GPC3: variants seen among roughly 807,000 people sequenced by gnomAD.
The protein encoded by GPC3 is glypican-3.
A neutral mutation model predicts 34.4 loss-of-function variants in GPC3; 3 were observed. The observed-to-expected ratio is 0.09, with a 90% CI of 0.04 to 0.23. GPC3 has a LOEUF of 0.23. Among genes scored for constraint, GPC3 ranks in the 10% least tolerant of loss-of-function variants. GPC3 has a pLI of 1.00. For missense variants in GPC3, 351 were observed against 445.6 expected, an observed-to-expected ratio of 0.79 and a Z score of 1.91; for synonymous variants, 177 against 174.0, an observed-to-expected ratio of 1.02 and a Z score of -0.13.
Position 133,959,527 on chromosome X carries a change from G to T in GPC3, c.176-6316C>A, listed in dbSNP as rs1314077409. 2.7e-5 allele frequency among the ~76,000 whole-genome samples: 3 copies of T among 112,264 alleles called. No homozygotes were observed. In the East Asian group the frequency reaches 8.4e-4, roughly 31 times the overall value. On this transcript the variant is annotated intron_variant, in intron 1 of 7. Transcript: ENST00000370818. ...TAACAAAACACTTATGATTCCTCAGGTCAAGTTGTTTACAATTTAATCCTA... is the reference window on the plus strand; with the variant it reads ...TAACAAAACACTTATGATTCCTCAGTTCAAGTTGTTTACAATTTAATCCTA...
chrX:133,884,029 G>C (rs538524900), intron 2 of GPC3, among the ~76,000 whole-genome samples: 30 of 111,500 alleles, frequency 2.7e-4, no homozygotes, highest in African/African-American at 9.4e-4. Context: ...ACAGTAATTA[G>C]TGAGCTTTTA....
At chrX:133,763,634 C>A in intron 2 of GPC3, 1 of 793,366 alleles carries the variant, frequency 1.3e-6, no homozygotes, top group Non-Finnish European at 1.9e-6. Flanking sequence ...TCTGCCGCTT[C>A]CACTGCTCAG....
chrX:133,750,990 T>C (rs768138443), intron 3 of GPC3, among the ~76,000 whole-genome samples: 5 of 108,778 alleles, frequency 4.6e-5, no homozygotes, highest in South Asian at 4.1e-4. Context: ...GGAGAATTGA[T>C]TAGAAGTAGG....
At chrX:133,735,005 T>C (rs1439599899) in intron 3 of GPC3, among the ~76,000 whole-genome samples, 1 of 112,027 alleles carries the variant, frequency 8.9e-6, no homozygotes, top group Non-Finnish European at 1.9e-5. Context: ...GACATTAATA[T>C]ATTAGAAGAC....
At chrX:133,851,540 T>C (rs1264393679) in intron 2 of GPC3, among the ~76,000 whole-genome samples, 1 of 111,660 alleles carries the variant, frequency 9.0e-6, no homozygotes, top group Non-Finnish European at 1.9e-5. Context: ...CTCAAATCTC[T>C]CTGAAGTGGG....
intron 2 of GPC3, among the ~76,000 whole-genome samples, chrX:133,758,012 C>A (rs1002090481): frequency 1.8e-5 from 2 of 111,567 alleles, no homozygotes. Context: ...CCATCTCACA[C>A]CAGTCAGAAT....
intron 1 of GPC3, among the ~76,000 whole-genome samples, chrX:133,964,217 G>A (rs1250611058): frequency 8.9e-6 from 1 of 111,791 alleles, no homozygotes; most frequent in Non-Finnish European, 1.9e-5. Flanking sequence ...CACTTTGCAC[G>A]CAAGTTGTAC....
chrX:133,703,619 C>A (rs2071186679), intron 3 of GPC3, among the ~76,000 whole-genome samples: 1 of 110,773 alleles, frequency 9.0e-6, no homozygotes, highest in Non-Finnish European at 1.9e-5. Flanking sequence ...CACTACCACG[C>A]CCAGCTAATT....
chrX:133,799,565 C>CT (rs769763817), intron 2 of GPC3, among the ~76,000 whole-genome samples: 31 of 111,498 alleles, frequency 2.8e-4, no homozygotes, highest in African/African-American at 1.0e-3. Flanking sequence ...GTATACAGTG[C>CT]TACATAGCTT....
At chrX:133,797,011 G>T (rs1030467503) in intron 2 of GPC3, among the ~76,000 whole-genome samples, 2 of 110,888 alleles carry the variant, frequency 1.8e-5, no homozygotes, top group Admixed American at 1.9e-4. Context: ...TGGGCCTTTG[G>T]AATTCCTTGT....
In GPC3 at chrX:133,928,726, A is replaced by G. The variant is rs138504458; in HGVS notation, c.337+24324T>C. On this transcript the variant is annotated intron_variant, in intron 2 of 7. Transcript: ENST00000370818. ...TTTCAGGTACCTGTTGGCTATTTTT[A>G]TGTCATCTTTGGAGAAATATCTATT... 1.3e-4 allele frequency among the ~76,000 whole-genome samples: 15 copies of G among 111,840 alleles called. No individual in the cohort carries two copies. The East Asian group carries it at 3.9e-3, about 29-fold the overall frequency.
intron 3 of GPC3, among the ~76,000 whole-genome samples, chrX:133,717,195 C>G (rs1330762474): frequency 3.6e-5 from 4 of 110,286 alleles, no homozygotes; most frequent in Non-Finnish European, 7.6e-5. Context: ...CTCGTGGCAT[C>G]AAGTGATCTG....
intron 5 of GPC3, among the ~76,000 whole-genome samples, chrX:133,681,111 T>C (rs1252949309): frequency 8.9e-6 from 1 of 111,831 alleles, no homozygotes; most frequent in Non-Finnish European, 1.9e-5. Flanking sequence ...TTTTTATAGG[T>C]TTTTTTGAAG....
rs149282160 is a variant in GPC3 at position 133,973,836 on chromosome X, A to G, written c.175+11439T>C. Among the ~76,000 whole-genome samples the G allele has an allele frequency of 6.0e-3, 672 of 111,755 alleles. 5 individuals carry two copies. The highest frequency in any genetic ancestry group is 0.021 in the African/African-American group (635 of 30,718). On this transcript the variant is annotated intron_variant, in intron 1 of 7. Transcript: ENST00000370818. ...TTTTCATTCTTTACATTGGGAAAGT[A>G]CTGCCCTGGGGGAGGGACAGAGGAG...
chrX:133,735,552 G>A lies in GPC3; in HGVS notation c.1032+17930C>T, dbSNP rs199967419. 5.4e-5 allele frequency among the ~76,000 whole-genome samples: 6 copies of A among 111,867 alleles called. No individual in the cohort carries two copies. In the East Asian group the frequency reaches 1.7e-3, roughly 31 times the overall value. On this transcript the variant is annotated intron_variant, in intron 3 of 7. Transcript: ENST00000370818. ...AATCTTTATGCCCTTGGATTAGGCA[G>A]TGATTTCTTAGATATGACACATAAA...
chrX:133,604,101 C>G (rs2070019323), intron 6 of GPC3, among the ~76,000 whole-genome samples: 1 of 111,435 alleles, frequency 9.0e-6, no homozygotes, highest in African/African-American at 3.3e-5. Context: ...GTTTGTATAA[C>G]AGGGAAGACT....
intron 2 of GPC3, among the ~76,000 whole-genome samples, chrX:133,935,435 A>G (rs1213038790): frequency 9.0e-6 from 1 of 111,166 alleles, no homozygotes; most frequent in Non-Finnish European, 1.9e-5. Flanking sequence ...CAGGACAGCT[A>G]TATTTTAAAT....
chrX:133,728,652 G>C (rs746269354), intron 3 of GPC3, among the ~76,000 whole-genome samples: 5 of 112,567 alleles, frequency 4.4e-5, no homozygotes, highest in Non-Finnish European at 9.4e-5. Flanking sequence ...CCTCTACAAA[G>C]ACTGGCTATG....
chrX:133,826,384 A>G (rs765841682), intron 2 of GPC3, among the ~76,000 whole-genome samples: 1 of 112,116 alleles, frequency 8.9e-6, no homozygotes, highest in African/African-American at 3.2e-5. Context: ...CTGGAGCTTA[A>G]AAGTGAAATA....
Sources: gnomAD v4.1 joint callset for allele counts (sites outside exome capture counted in the v4.1 genomes callset) on GRCh38, gnomAD v4.1.1 for gene constraint, MANE v1.5 for transcripts, NCBI Gene and HGNC (gene_info 2026-07-23, HGNC 2026-07-21) for gene names.